Variants in ABL1 observed in about 807,000 individuals in gnomAD.
ABL1 encodes the protein ABL proto-oncogene 1, non-receptor tyrosine kinase, also known as tyrosine-protein kinase ABL1.
ABL1 carries 11 observed loss-of-function variants against 94.7 expected under a neutral mutation model. The ratio of observed to expected loss-of-function variants is 0.12; its 90% CI spans 0.07 to 0.19. The LOEUF (loss-of-function observed/expected upper bound fraction) is 0.19, where lower values mean the gene tolerates loss of function less well. Ranked by LOEUF, ABL1 falls within the 10% of genes least tolerant of loss-of-function variation. The pLI is 1.00. For synonymous variants in ABL1, 656 were observed against 622.4 expected, an observed-to-expected ratio of 1.05 and a Z score of -0.80; for missense variants, 1,082 against 1,489.4, an observed-to-expected ratio of 0.73 and a Z score of 4.50.
At position 130,854,979 on chromosome 9, in the gene ABL1, G is replaced by A; in HGVS notation, c.432G>A (p.Gly144=). ...RNAAEYLLSS[G]INGSFLVRES... ...CCGCTGAGTATCTGCTGAGCAGCGG[G>A]ATCAATGGCAGCTTCTTGGTGCGTG... Residue 144 remains glycine (G), a synonymous_variant, in exon 3 of 11, where the codon GGG becomes GGA. Coordinates refer to ENST00000318560, the MANE Select transcript of ABL1 (RefSeq NM_005157.6). The A allele has an allele frequency of 6.2e-7, 1 of 1,614,218 alleles. No individual in the cohort carries two copies. Among genetic ancestry groups the A allele is most frequent in the African/African-American group, 1.3e-5 (1 of 75,036 alleles).
intron 6 of ABL1, among the ~76,000 whole-genome samples, chr9:130,873,946 C>T (rs558177658): frequency 6.6e-6 from 1 of 152,240 alleles, no homozygotes; most frequent in Non-Finnish European, 1.5e-5. Flanking sequence ...CCAGATACTC[C>T]TGGCTTTCAG....
chr9:130,751,452 AT>A (rs1274848716), intron 1 of ABL1, among the ~76,000 whole-genome samples: 1 of 151,962 alleles, frequency 6.6e-6, no homozygotes, highest in Non-Finnish European at 1.5e-5. Context: ...CAAACCTACT[AT>A]TTTTAATGGG....
At chr9:130,826,327 G>C (rs1392549645) in intron 1 of ABL1, among the ~76,000 whole-genome samples, 1 of 151,832 alleles carries the variant, frequency 6.6e-6, no homozygotes. Flanking sequence ...CGCCATGTTG[G>C]CCAGGCTGGT....
At position 130,765,348 on chromosome 9, in the gene ABL1, C is replaced by T. The variant is rs1832169598; in HGVS notation, c.136+50893C>T. Reference sequence around the variant, plus strand: ...TGGGTGCTGCTCCCCCACTTCAAAACGTGTAGCTAGCAGGATGGAAATCCT... The same window carrying T: ...TGGGTGCTGCTCCCCCACTTCAAAATGTGTAGCTAGCAGGATGGAAATCCT... On this transcript the variant is annotated intron_variant, in intron 1 of 10. Transcript: ENST00000372348. Among the ~76,000 whole-genome samples, 3 of 152,120 alleles carry T rather than the reference C, an allele frequency of 2.0e-5. 1 individual carries two copies. In the South Asian group the frequency reaches 6.2e-4, roughly 32 times the overall value.
chr9:130,862,481 G>A lies in ABL1; in HGVS notation c.550-282G>A, dbSNP rs144292300. Among the ~76,000 whole-genome samples the A allele has an allele frequency of 2.7e-4, 41 of 152,300 alleles. No homozygotes were observed. The East Asian group carries it at 7.9e-3, about 29-fold the overall frequency. ...GGCCTTGGAACGGGAAGCGAGAACT[G>A]GGCACGGAAGATGAGGGAGTGGGAG... On this transcript the variant is annotated intron_variant, in intron 3 of 10. Coordinates refer to ENST00000318560, the MANE Select transcript of ABL1 (RefSeq NM_005157.6). The surrounding 1 kb of genome is among the most constrained non-coding windows in gnomAD (Gnocchi z 5.5).
chr9:130,776,259 T>A (rs1162204409), intron 1 of ABL1, among the ~76,000 whole-genome samples: 2 of 152,186 alleles, frequency 1.3e-5, no homozygotes, highest in Non-Finnish European at 2.9e-5. Flanking sequence ...TAATACTCAA[T>A]CCTCTGTGAA....
chr9:130,881,877 T>TA (rs142934106), intron 10 of ABL1, among the ~76,000 whole-genome samples: 15,371 of 138,458 alleles, frequency 0.11, 1,470 homozygotes, highest in African/African-American at 0.27. Flanking sequence ...CTCTCATTAG[T>TA]AAAAAAAAAA....
intron 1 of ABL1, among the ~76,000 whole-genome samples, chr9:130,745,400 T>A (rs1831875942): frequency 6.6e-6 from 1 of 151,918 alleles, no homozygotes; most frequent in African/African-American, 2.4e-5. Context: ...ACCTTTTAAT[T>A]GTCAACTGTG....
At chr9:130,729,901 A>AT (rs551141408) in intron 1 of ABL1, among the ~76,000 whole-genome samples, 42,382 of 130,380 alleles carry the variant, frequency 0.33, 6,605 homozygotes, top group Middle Eastern at 0.43. Flanking sequence ...ACACCAGGCT[A>AT]TTTTTTTTTT....
rs1475679331 is a variant in ABL1 at position 130,862,250 on chromosome 9, C to T, written c.550-513C>T. On this transcript the variant is annotated intron_variant, in intron 3 of 10. Coordinates refer to ENST00000318560, the MANE Select transcript of ABL1 (RefSeq NM_005157.6). This position sits in a 1 kb window ranked among gnomAD's most constrained non-coding sequence, Gnocchi z 5.5. ...TTACATGTTGATTTCCTGTTCTCAA[C>T]ATTGGAATGAAGACAGCTTAGGGTT... Among the ~76,000 whole-genome samples the T allele has an allele frequency of 1.3e-5, 2 of 152,212 alleles. No homozygotes were observed. Among genetic ancestry groups the T allele is most frequent in the African/African-American group, 4.8e-5 (2 of 41,446 alleles).
chr9:130,735,263 C>G (rs111660302), intron 1 of ABL1, among the ~76,000 whole-genome samples: 6 of 152,136 alleles, frequency 3.9e-5, no homozygotes, highest in Admixed American at 3.9e-4. Context: ...CTCCTGACCT[C>G]AGGTGATCAG....
Position 130,862,347 on chromosome 9 carries a change from A to G in ABL1, c.550-416A>G, listed in dbSNP as rs545154626. 2.0e-5 allele frequency among the ~76,000 whole-genome samples: 3 copies of G among 152,312 alleles called. No individual in the cohort carries two copies. The South Asian group carries it at 6.2e-4, about 32-fold the overall frequency. ...TTAAGCAGATAAACAGGAAATTATGAGCTAGTAGTGGGTCCATTGCTGAGA... is the reference window on the plus strand; with the variant it reads ...TTAAGCAGATAAACAGGAAATTATGGGCTAGTAGTGGGTCCATTGCTGAGA... On this transcript the variant is annotated intron_variant, in intron 3 of 10. Coordinates refer to ENST00000318560, the MANE Select transcript of ABL1 (RefSeq NM_005157.6). This position sits in a 1 kb window ranked among gnomAD's most constrained non-coding sequence, Gnocchi z 5.5.
chr9:130,810,590 A>G (rs1277748841), intron 1 of ABL1, among the ~76,000 whole-genome samples: 1 of 152,226 alleles, frequency 6.6e-6, no homozygotes, highest in Non-Finnish European at 1.5e-5. Context: ...AGACTTAACC[A>G]TAGAAACTAT....
chr9:130,812,487 C>T (rs1830222944), intron 1 of ABL1, among the ~76,000 whole-genome samples: 1 of 151,858 alleles, frequency 6.6e-6, no homozygotes, highest in African/African-American at 2.4e-5. Flanking sequence ...ACGTTAAAAG[C>T]AAAAGAGTGG....
chr9:130,713,052 T>C (rs1374525137), exon 1 of ABL1, among the ~76,000 whole-genome samples: 1 of 152,162 alleles, frequency 6.6e-6, no homozygotes. Context: ...TAATCCATCA[T>C]GGCGGCCGCG....
chr9:130,744,750 G>A (rs1434849191), intron 1 of ABL1, among the ~76,000 whole-genome samples: 22 of 151,038 alleles, frequency 1.5e-4, no homozygotes, highest in Admixed American at 1.1e-3. Flanking sequence ...CCAGCTACTG[G>A]GGAGGCTGAG....
Position 130,835,487 on chromosome 9 carries a change from A to C in ABL1, c.41A>C (p.Lys14Thr). The change falls in exon 1 of 11, where the codon AAG becomes ACG. Residue 14 changes from lysine (K) to threonine (T), a missense_variant. Around this residue, in one of 7 missense-constraint regions of ABL1, gnomAD observed 65 missense variants for 80.8 expected, o/e 0.80. Transcript: ENST00000318560. This position sits in a 1 kb window ranked among gnomAD's most constrained non-coding sequence, Gnocchi z 4.6. ...ICLKLVGCKS[K>T]KGLSSSSSCY... is the part of the protein sequence containing the mutation. ...CTGAAGCTGGTGGGCTGCAAATCCA[A>C]GAAGGGGCTGTCCTCGTCCTCCAGC... The C allele has an allele frequency of 6.4e-7, 1 of 1,564,932 alleles. No individual in the cohort carries two copies. The highest frequency in any genetic ancestry group is 8.7e-7 in the Non-Finnish European group (1 of 1,154,324).
Position 130,884,804 on chromosome 9 carries a change from G to C in ABL1, c.2514G>C (p.Lys838Asn). 1.2e-6 allele frequency: 2 copies of C among 1,608,922 alleles called. No individual in the cohort carries two copies. The highest frequency in any genetic ancestry group is 1.7e-6 in the Non-Finnish European group (2 of 1,177,450). The change falls in exon 11 of 11, where the codon AAG becomes AAC. Residue 838 changes from lysine to asparagine, a missense_variant. Physicochemically the swap from Lys to Asn is moderately conservative, Grantham distance 94. Around this residue, in one of 7 missense-constraint regions of ABL1, gnomAD observed 780 missense variants for 835.8 expected, o/e 0.93. Coordinates refer to ENST00000318560, the MANE Select transcript of ABL1 (RefSeq NM_005157.6). This position sits in a 1 kb window ranked among gnomAD's most constrained non-coding sequence, Gnocchi z 5.6. ...TCCCCCACAAGGAAGAAGCTGGAAA[G>C]GGCAGTGCCTTAGGGACCCCTGCTG... is the stretch of plus-strand genomic sequence containing the variant. The part of the protein sequence containing the change: ...SGLPHKEEAG[K>N]GSALGTPAAA...
chr9:130,854,020 T>G, intron 1 of ABL1, 44 bp from the exon 2 acceptor site: 1 of 1,551,326 alleles, frequency 6.4e-7, no homozygotes. Context: ...TCTCCCAATT[T>G]TCTCTTCCTT....
Sources: gnomAD v4.1 joint callset for allele counts (sites outside exome capture counted in the v4.1 genomes callset) on GRCh38, gnomAD v4.1.1 for gene constraint, gnomAD v4.1.1 regional missense constraint, Gnocchi (gnomAD v3.1) non-coding constraint, MANE v1.5 for transcripts, NCBI Gene and HGNC (gene_info 2026-07-23, HGNC 2026-07-21) for gene names.